FSTL4: variants seen among roughly 807,000 people sequenced by gnomAD.
FSTL4 encodes follistatin-related protein 4.
In FSTL4, 28 loss-of-function variants were observed where a neutral mutation model predicts 78.2. The observed-to-expected ratio is 0.36, with a 90% confidence interval of 0.27 to 0.49. The LOEUF is 0.49. Among genes scored for constraint, FSTL4 ranks in the 20% least tolerant of loss-of-function variants. The probability of loss-of-function intolerance (pLI) is 0.98; values close to 1 mark genes in which losing one functional copy is unlikely to be tolerated. For synonymous variants in FSTL4, 422 were observed against 440.5 expected, an observed-to-expected ratio of 0.96 and a Z score of 0.53; for missense variants, 922 against 1,084.9, an observed-to-expected ratio of 0.85 and a Z score of 2.11.
rs1195873022 is a variant in FSTL4 at position 133,603,739 on chromosome 5, C to G, written c.126+119G>C. On this transcript the variant is annotated intron_variant, in intron 2 of 15. Coordinates refer to ENST00000265342, the MANE Select transcript of FSTL4 (RefSeq NM_015082.2). ...TTCTGTCCCCACCAAAAAGGAAGTGCAATTTTAATTCACTTTGTGATCTAA... is the reference window on the plus strand; with the variant it reads ...TTCTGTCCCCACCAAAAAGGAAGTGGAATTTTAATTCACTTTGTGATCTAA... The G allele has an allele frequency of 7.6e-6, 9 of 1,179,522 alleles. No homozygotes were observed. In the South Asian group the frequency reaches 1.1e-4, roughly 14 times the overall value. The allele number at this position is 1,179,522 out of a possible 1,614,324, so 73.1% of individuals were successfully genotyped here.
At chr5:133,786,124 C>A in the FSTL4 span, among the ~76,000 whole-genome samples, 1 of 152,164 alleles carries the variant, frequency 6.6e-6, no homozygotes, top group African/African-American at 2.4e-5. Context: ...CTCCGTGATT[C>A]TTCCCCACCC....
chr5:133,394,551 C>G (rs1338776559), intron 4 of FSTL4, among the ~76,000 whole-genome samples: 2 of 152,248 alleles, frequency 1.3e-5, no homozygotes, highest in African/African-American at 4.8e-5. Flanking sequence ...GCCCACCGGG[C>G]TGTTCTCGAA....
chr5:133,454,653 T>A (rs1757448169), intron 3 of FSTL4, among the ~76,000 whole-genome samples: 1 of 152,384 alleles, frequency 6.6e-6, no homozygotes, highest in South Asian at 2.1e-4. Context: ...AGGGAATTCA[T>A]GAGGCAGCCG....
rs561614859 is a variant in FSTL4 at position 133,401,107 on chromosome 5, T to G, written c.161-121A>C. ...GCCTGTGCAGCCAAGCTACTCAAGG[T>G]GGGGCCTGGGGGCTTGGGGTCTCCT... is the stretch of plus-strand genomic sequence containing the variant. On this transcript the variant is annotated intron_variant, in intron 3 of 15. Coordinates refer to ENST00000265342, the MANE Select transcript of FSTL4 (RefSeq NM_015082.2). 430 of 1,153,520 alleles carry G rather than the reference T, an allele frequency of 3.7e-4. No homozygotes were observed. The African/African-American group carries it at 5.9e-3, about 16-fold the overall frequency. 71.5% of individuals were successfully genotyped at this position (1,153,520 alleles called of 1,614,324 possible).
the FSTL4 span, among the ~76,000 whole-genome samples, chr5:133,707,416 A>G: frequency 6.6e-6 from 1 of 152,228 alleles, no homozygotes; most frequent in African/African-American, 2.4e-5. Context: ...TTCATGGAAC[A>G]TAATCATCTT....
intron 3 of FSTL4, among the ~76,000 whole-genome samples, chr5:133,460,700 A>C (rs1174389395): frequency 6.6e-6 from 1 of 152,204 alleles, no homozygotes; most frequent in African/African-American, 2.4e-5. Context: ...GGGTCAGGGC[A>C]GGCCTGAATG....
At chr5:133,651,989 T>C in the FSTL4 span, among the ~76,000 whole-genome samples, 1 of 152,174 alleles carries the variant, frequency 6.6e-6, no homozygotes, top group Non-Finnish European at 1.5e-5. Context: ...TGGCAAATTG[T>C]ATTTTTCAAG....
chr5:133,670,399 A>G, the FSTL4 span, among the ~76,000 whole-genome samples: 2 of 152,234 alleles, frequency 1.3e-5, no homozygotes, highest in African/African-American at 4.8e-5. Flanking sequence ...AGTGTGACAC[A>G]AAGGAAAGCG....
At chr5:133,720,511 A>G in the FSTL4 span, 364 of 153,728 alleles carry the variant, frequency 2.4e-3, no homozygotes, top group Non-Finnish European at 4.5e-3. Flanking sequence ...ATAATGAAGA[A>G]GTTCTGTAAT....
chr5:133,498,610 C>T (rs1347214379), intron 3 of FSTL4, among the ~76,000 whole-genome samples: 2 of 151,338 alleles, frequency 1.3e-5, no homozygotes, highest in African/African-American at 2.4e-5. Flanking sequence ...CTCAGCTATT[C>T]GGGAGGCTGA....
At chr5:133,271,616 C>T (rs557464973) in intron 6 of FSTL4, among the ~76,000 whole-genome samples, 1 of 152,288 alleles carries the variant, frequency 6.6e-6, no homozygotes, top group African/African-American at 2.4e-5. Flanking sequence ...CCCTTCTGTT[C>T]TCAGTAACAG....
intron 6 of FSTL4, among the ~76,000 whole-genome samples, chr5:133,273,239 TA>T (rs1752806078): frequency 6.6e-6 from 1 of 152,282 alleles, no homozygotes; most frequent in South Asian, 2.1e-4. Flanking sequence ...TAATAATATC[TA>T]AACTACTCTT....
chr5:133,708,040 A>G, the FSTL4 span, among the ~76,000 whole-genome samples: 1 of 149,210 alleles, frequency 6.7e-6, no homozygotes, highest in East Asian at 2.1e-4. Flanking sequence ...AGCCTAGTAC[A>G]TGATATTGTC....
At chr5:133,696,595 C>T in the FSTL4 span, among the ~76,000 whole-genome samples, 3 of 152,248 alleles carry the variant, frequency 2.0e-5, no homozygotes, top group Admixed American at 1.3e-4. Context: ...TTGCACACTT[C>T]TCTGACATGT....
intron 3 of FSTL4, among the ~76,000 whole-genome samples, chr5:133,481,516 C>T (rs998802258): frequency 2.4e-5 from 3 of 123,398 alleles, no homozygotes; most frequent in Admixed American, 9.8e-5. Flanking sequence ...CACTCCAGCC[C>T]GGGTGACAGA....
chr5:133,711,094 A>C, the FSTL4 span, among the ~76,000 whole-genome samples: 1 of 152,326 alleles, frequency 6.6e-6, no homozygotes, highest in South Asian at 2.1e-4. Context: ...AGAGAATTTA[A>C]GTACCAAAGA....
At chr5:133,396,084 C>G (rs898607036) in intron 4 of FSTL4, among the ~76,000 whole-genome samples, 26 of 152,176 alleles carry the variant, frequency 1.7e-4, no homozygotes, top group African/African-American at 5.8e-4. Flanking sequence ...CAATGTTCTT[C>G]TCTCCCCTCA....
In FSTL4 at chr5:133,199,130, C is replaced by G. The variant is rs558686290; in HGVS notation, c.2494G>C (p.Gly832Arg). The G allele has an allele frequency of 6.5e-5, 102 of 1,572,248 alleles. No individual in the cohort carries two copies. The East Asian group carries it at 6.8e-4, about 10-fold the overall frequency. The change falls in exon 16 of 16, where the codon GGG (glycine) becomes CGG (arginine). Residue 832 changes from glycine (G) to arginine (R), a missense_variant. Coordinates refer to ENST00000265342, the MANE Select transcript of FSTL4 (RefSeq NM_015082.2). This position sits in a 1 kb window ranked among gnomAD's most constrained non-coding sequence, Gnocchi z 4.4. The stretch of plus-strand genomic sequence containing the variant: ...CCCACCCACACCACTGTGGTCCCCC[C>G]CTTTATACCTGACACCTCACACCGC... The part of the protein sequence containing the change: ...TLRCEVSGIK[G>R]GTTVVWVGEV
the FSTL4 span, among the ~76,000 whole-genome samples, chr5:133,772,691 A>G: frequency 1.3e-5 from 2 of 152,162 alleles, no homozygotes; most frequent in African/African-American, 4.8e-5. Context: ...GGCCAAATTT[A>G]CTTTTATAAC....
Sources: allele counts gnomAD v4.1 joint callset (sites outside exome capture counted in the v4.1 genomes callset), GRCh38; gene constraint gnomAD v4.1.1; non-coding constraint Gnocchi (gnomAD v3.1); transcripts MANE v1.5; gene names NCBI Gene and HGNC (gene_info 2026-07-23, HGNC 2026-07-21).